Variants in EPHA3 observed in about 807,000 individuals in gnomAD.
EPHA3 encodes EPH receptor A3.
Under a neutral mutation model 107.1 loss-of-function variants are expected in EPHA3, and 42 were observed. That is an observed-to-expected ratio of 0.39 (90% CI 0.31 to 0.51). EPHA3 has a LOEUF of 0.51. Among genes scored for constraint, EPHA3 ranks in the 20% least tolerant of loss-of-function variants. The pLI, the probability that EPHA3 is intolerant of heterozygous loss-of-function variation, is 0.78. For missense variants in EPHA3, 1,183 were observed against 1,211.2 expected (o/e 0.98, Z 0.35); for synonymous variants, 461 against 424.8 (o/e 1.09, Z -1.05).
intron 15 of EPHA3, among the ~76,000 whole-genome samples, chr3:89,466,337 C>T (rs1417961728): frequency 1.8e-5 from 1 of 54,738 alleles, no homozygotes; most frequent in Non-Finnish European, 3.5e-5. Flanking sequence ...GGCAGGCCTC[C>T]TTGAGCTGTG....
At chr3:89,320,758 A>G (rs901962739) in intron 3 of EPHA3, among the ~76,000 whole-genome samples, 6 of 152,082 alleles carry the variant, frequency 3.9e-5, no homozygotes, top group Admixed American at 2.0e-4. Context: ...AAAGTCTTTT[A>G]TAACTCCTGA....
chr3:89,396,423 T>C (rs1261097249), intron 6 of EPHA3, among the ~76,000 whole-genome samples: 2 of 152,180 alleles, frequency 1.3e-5, no homozygotes, highest in Non-Finnish European at 2.9e-5. Flanking sequence ...ATGAAAAGAT[T>C]TTCTTGACCC....
chr3:89,164,761 G>T (rs1427535666), intron 2 of EPHA3, among the ~76,000 whole-genome samples: 1 of 152,096 alleles, frequency 6.6e-6, no homozygotes, highest in African/African-American at 2.4e-5. Flanking sequence ...TACAATTAGT[G>T]TTAATAGAAT....
chr3:89,203,324 TAAA>T (rs138552890), intron 2 of EPHA3, among the ~76,000 whole-genome samples: 6 of 138,378 alleles, frequency 4.3e-5, no homozygotes, highest in African/African-American at 1.3e-4. Context: ...TAGCCGGAAT[TAAA>T]AAAAAAACAA....
chr3:89,285,441 T>C (rs1706058057), intron 3 of EPHA3, among the ~76,000 whole-genome samples: 1 of 152,128 alleles, frequency 6.6e-6, no homozygotes, highest in African/African-American at 2.4e-5. Flanking sequence ...GAGATAATAA[T>C]ACAACAAAAT....
chr3:89,242,175 A>G (rs1704911579), intron 3 of EPHA3, among the ~76,000 whole-genome samples: 2 of 152,332 alleles, frequency 1.3e-5, no homozygotes, highest in South Asian at 4.1e-4. Context: ...AATGATTGTA[A>G]TATGAGCTGC....
intron 10 of EPHA3, among the ~76,000 whole-genome samples, chr3:89,415,323 T>C (rs1709224559): frequency 6.6e-6 from 1 of 150,776 alleles, no homozygotes; most frequent in Non-Finnish European, 1.5e-5. Context: ...ACCTACTTCC[T>C]ACATTCTTAA....
intron 3 of EPHA3, among the ~76,000 whole-genome samples, chr3:89,339,633 T>C (rs1165661995): frequency 6.6e-6 from 1 of 152,222 alleles, no homozygotes; most frequent in Non-Finnish European, 1.5e-5. Flanking sequence ...GAAGATAGTC[T>C]ACCATGGATA....
At chr3:89,278,302 T>G (rs922187453) in intron 3 of EPHA3, among the ~76,000 whole-genome samples, 4 of 152,168 alleles carry the variant, frequency 2.6e-5, no homozygotes, top group African/African-American at 9.7e-5. Context: ...GCCACAAGGG[T>G]AGCTAGAAGC....
intron 3 of EPHA3, among the ~76,000 whole-genome samples, chr3:89,239,171 A>G (rs1477801218): frequency 6.6e-6 from 1 of 152,182 alleles, no homozygotes; most frequent in African/African-American, 2.4e-5. Flanking sequence ...AACTGTATAC[A>G]CTGCACTATG....
chr3:89,459,491 C>CTCCTTCCTTCCT lies in EPHA3; in HGVS notation c.2690+9144_2690+9155dup, dbSNP rs58738148. Among the ~76,000 whole-genome samples the CTCCTTCCTTCCT allele has an allele frequency of 5.7e-3, 724 of 126,366 alleles. 6 individuals are homozygous for CTCCTTCCTTCCT. Among genetic ancestry groups the CTCCTTCCTTCCT allele is most frequent in the African/African-American group, 0.02 (590 of 28,976 alleles). 82.9% of individuals were successfully genotyped at this position (126,366 alleles called of 152,430 possible). A position where few individuals can be genotyped will look rare whatever the true frequency, so the allele number is the denominator to read the frequency against. On this transcript the variant is annotated intron_variant, in intron 15 of 16. Coordinates refer to ENST00000336596, the MANE Select transcript of EPHA3 (RefSeq NM_005233.6). ...TCTCCTTCCTTCTCTCCTTCCTTCT[C>CTCCTTCCTTCCT]TCCTTCCTTCCTTCCTTCCTTCCTT...
intron 3 of EPHA3, among the ~76,000 whole-genome samples, chr3:89,282,941 A>T (rs1211021642): frequency 6.6e-6 from 1 of 152,102 alleles, no homozygotes; most frequent in Non-Finnish European, 1.5e-5. Flanking sequence ...CGTTGTATTA[A>T]TCCTTGTGTT....
intron 3 of EPHA3, among the ~76,000 whole-genome samples, chr3:89,222,226 C>G (rs1478057112): frequency 6.6e-6 from 1 of 151,516 alleles, no homozygotes; most frequent in Non-Finnish European, 1.5e-5. Flanking sequence ...TCATTATTAG[C>G]TTGACAGATC....
At chr3:89,197,079 C>A (rs1051662130) in intron 2 of EPHA3, among the ~76,000 whole-genome samples, 4 of 152,132 alleles carry the variant, frequency 2.6e-5, no homozygotes, top group African/African-American at 9.7e-5. Flanking sequence ...TCTATTCAAA[C>A]CCTTTACTAA....
intron 3 of EPHA3, among the ~76,000 whole-genome samples, chr3:89,326,222 G>A (rs1350713622): frequency 2.0e-5 from 3 of 151,892 alleles, no homozygotes; most frequent in Non-Finnish European, 4.4e-5. Flanking sequence ...CAAGTCCCTT[G>A]TATATAATAG....
intron 2 of EPHA3, among the ~76,000 whole-genome samples, chr3:89,170,924 C>T (rs909028993): frequency 2.2e-5 from 3 of 138,220 alleles, no homozygotes; most frequent in Admixed American, 8.1e-5. Context: ...AGAGCATATG[C>T]TAACTCTTTA....
chr3:89,132,663 G>A (rs1175000385), intron 2 of EPHA3, among the ~76,000 whole-genome samples: 1 of 152,082 alleles, frequency 6.6e-6, no homozygotes, highest in African/African-American at 2.4e-5. Context: ...TGAGGCCAGG[G>A]CTTCAGGATC....
chr3:89,141,744 T>TAC lies in EPHA3; in HGVS notation c.153+14477_153+14478dup, dbSNP rs1277075183. 5.2e-3 allele frequency among the ~76,000 whole-genome samples: 787 copies of TAC among 151,518 alleles called. 3 individuals are homozygous for TAC. Among genetic ancestry groups the TAC allele is most frequent in the Middle Eastern group, 0.014 (4 of 294 alleles). On this transcript the variant is annotated intron_variant, in intron 2 of 16. Coordinates refer to ENST00000336596, the MANE Select transcript of EPHA3 (RefSeq NM_005233.6). ...ATGTGATCTGTTATATATATATATA[T>TAC]ACACACATACGTCTAGGTGTGAATA...
intron 9 of EPHA3, among the ~76,000 whole-genome samples, chr3:89,411,882 A>G (rs1223357855): frequency 6.6e-6 from 1 of 151,966 alleles, no homozygotes; most frequent in Non-Finnish European, 1.5e-5. Context: ...TTCTCCCATT[A>G]TGAAGTAATA....
Sources: gnomAD v4.1 joint callset for allele counts (sites outside exome capture counted in the v4.1 genomes callset) on GRCh38, gnomAD v4.1.1 for gene constraint, MANE v1.5 for transcripts, NCBI Gene and HGNC (gene_info 2026-07-23, HGNC 2026-07-21) for gene names.